Variants in JAM3 observed in about 807,000 individuals in gnomAD.
The protein encoded by JAM3 is junctional adhesion molecule C.
A neutral mutation model predicts 39.4 loss-of-function variants in JAM3; 31 were observed. The observed-to-expected ratio is 0.79, with a 90% CI of 0.59 to 1.06. The LOEUF is 1.06. Among genes scored for constraint, JAM3 ranks in the 50% least tolerant of loss-of-function variants. The pLI, the probability that JAM3 is intolerant of heterozygous loss-of-function variation, is 0.00. For missense variants in JAM3, 455 were observed against 391.4 expected (o/e 1.16, Z -1.37); for synonymous variants, 182 against 148.7 (o/e 1.22, Z -1.63).
intron 1 of JAM3, chr11:134,123,923 C>T: frequency 8.1e-7 from 1 of 1,228,710 alleles, no homozygotes; most frequent in East Asian, 2.3e-5. Flanking sequence ...TGAAGGCCCC[C>T]CTTCTTTTTT....
intron 1 of JAM3, among the ~76,000 whole-genome samples, chr11:134,095,332 C>T (rs1417573558): frequency 3.9e-5 from 6 of 151,912 alleles, no homozygotes; most frequent in Non-Finnish European, 8.8e-5. Context: ...AGTCTTTTGA[C>T]TAAGATTTGT....
chr11:134,110,925 C>T (rs1236521415), intron 1 of JAM3, among the ~76,000 whole-genome samples: 1 of 151,868 alleles, frequency 6.6e-6, no homozygotes, highest in Non-Finnish European at 1.5e-5. Flanking sequence ...AATGAGTGAT[C>T]TGGTGAAAAA....
intron 3 of JAM3, 134 bp from the exon 4 acceptor site, chr11:134,144,107 C>CTCGGGAATAGAAATAAA: frequency 1.2e-6 from 1 of 841,030 alleles, no homozygotes; most frequent in South Asian, 1.4e-5. Context: ...CACTTCTGTA[C>CTCGGGAATAGAAATAAA]TCGGGAATAG....
At chr11:134,095,633 A>G (rs370098396) in intron 1 of JAM3, among the ~76,000 whole-genome samples, 82 of 152,212 alleles carry the variant, frequency 5.4e-4, no homozygotes, top group African/African-American at 1.9e-3. Context: ...CTGTCAAAAA[A>G]AAAAAAAAGA....
At chr11:134,128,356 TAAC>T (rs1204231911) in intron 1 of JAM3, among the ~76,000 whole-genome samples, 8 of 152,346 alleles carry the variant, frequency 5.3e-5, no homozygotes, top group African/African-American at 9.6e-5. Context: ...ACAAAATACT[TAAC>T]AGCCTTTGTC....
intron 1 of JAM3, among the ~76,000 whole-genome samples, chr11:134,118,677 A>T (rs1040698424): frequency 6.6e-6 from 1 of 152,106 alleles, no homozygotes; most frequent in Non-Finnish European, 1.5e-5. Context: ...TATTTTATCC[A>T]CGTTTTTACT....
intron 1 of JAM3, among the ~76,000 whole-genome samples, chr11:134,076,903 C>T (rs1364668602): frequency 1.4e-5 from 2 of 146,186 alleles, no homozygotes; most frequent in Middle Eastern, 3.5e-3. Context: ...GGTGCGATCT[C>T]GGCTCACTGC....
intron 1 of JAM3, among the ~76,000 whole-genome samples, chr11:134,102,546 T>C (rs1942095695): frequency 6.6e-6 from 1 of 152,138 alleles, no homozygotes; most frequent in East Asian, 1.9e-4. Flanking sequence ...GAAGAAGGCT[T>C]CAGAGAATCA....
chr11:134,100,439 G>T (rs1189990383), intron 1 of JAM3, among the ~76,000 whole-genome samples: 1 of 152,176 alleles, frequency 6.6e-6, no homozygotes, highest in Admixed American at 6.5e-5. Flanking sequence ...ATCCCTTGGG[G>T]AGCTAAAAAT....
intron 1 of JAM3, among the ~76,000 whole-genome samples, chr11:134,113,672 T>C (rs1942364922): frequency 6.6e-6 from 1 of 152,232 alleles, no homozygotes; most frequent in African/African-American, 2.4e-5. Flanking sequence ...TGTGTCTTTA[T>C]AGCAGCATGA....
intron 3 of JAM3, among the ~76,000 whole-genome samples, chr11:134,142,290 G>C (rs1942989400): frequency 6.6e-6 from 1 of 152,182 alleles, no homozygotes; most frequent in African/African-American, 2.4e-5. Flanking sequence ...CCTCAGTGCA[G>C]GGCTGCACCA....
chr11:134,073,564 C>A (rs1310989215), intron 1 of JAM3, among the ~76,000 whole-genome samples: 1 of 152,156 alleles, frequency 6.6e-6, no homozygotes, highest in Non-Finnish European at 1.5e-5. Flanking sequence ...GTCTCTAGTT[C>A]AGTTTAGTAC....
chr11:134,131,375 A>G (rs1942766702), intron 1 of JAM3, among the ~76,000 whole-genome samples: 1 of 152,106 alleles, frequency 6.6e-6, no homozygotes, highest in African/African-American at 2.4e-5. Context: ...TAGTCTTCTG[A>G]GTCTCAAATG....
chr11:134,142,116 G>C (rs1242610591), intron 3 of JAM3, among the ~76,000 whole-genome samples: 3 of 152,154 alleles, frequency 2.0e-5, no homozygotes, highest in African/African-American at 7.2e-5. Context: ...CATGTAGTTA[G>C]AGCATCAGAG....
At position 134,148,546 on chromosome 11, in the gene JAM3, G is replaced by C; in HGVS notation, c.713-1G>C. 1 of 1,614,172 alleles carries C rather than the reference G, an allele frequency of 6.2e-7. No homozygotes were observed. The highest frequency in any genetic ancestry group is 8.5e-7 in the Non-Finnish European group (1 of 1,180,036). On this transcript the variant is annotated splice_acceptor_variant, in intron 6 of 8. Coordinates refer to ENST00000299106, the MANE Select transcript of JAM3 (RefSeq NM_032801.5). LOFTEE classifies it high-confidence loss of function. ...CTTCCACCAAACCTCCTTTTCTTCA[G>C]ATGACCTGAACATTGGCGGAATTAT... is the stretch of plus-strand genomic sequence containing the variant.
intron 6 of JAM3, among the ~76,000 whole-genome samples, chr11:134,147,124 C>G (rs1943087740): frequency 6.6e-6 from 1 of 152,126 alleles, no homozygotes; most frequent in Non-Finnish European, 1.5e-5. Flanking sequence ...AGCCTATTGA[C>G]TTTTTAGTGA....
intron 1 of JAM3, among the ~76,000 whole-genome samples, chr11:134,081,131 G>T (rs1565482291): frequency 6.6e-6 from 1 of 152,188 alleles, no homozygotes; most frequent in Non-Finnish European, 1.5e-5. Flanking sequence ...GAGTTGACTT[G>T]GGTGCTGTTA....
intron 1 of JAM3, among the ~76,000 whole-genome samples, chr11:134,138,720 T>A (rs1298276332): frequency 6.6e-6 from 1 of 152,266 alleles, no homozygotes; most frequent in Non-Finnish European, 1.5e-5. Flanking sequence ...GTTCTATAAC[T>A]TTTTGTGGAA....
At chr11:134,070,356 C>T (rs1941467801) in intron 1 of JAM3, 1 of 382,512 alleles carries the variant, frequency 2.6e-6, no homozygotes, top group African/African-American at 2.1e-5. Context: ...TGATGTTTTC[C>T]AGAATATACA....
Sources: gnomAD v4.1 joint callset for allele counts (sites outside exome capture counted in the v4.1 genomes callset) on GRCh38, gnomAD v4.1.1 for gene constraint, MANE v1.5 for transcripts, NCBI Gene and HGNC (gene_info 2026-07-23, HGNC 2026-07-21) for gene names.